RASGRF2: variants seen among roughly 807,000 people sequenced by gnomAD.
The protein encoded by RASGRF2 is Ras protein specific guanine nucleotide releasing factor 2.
Under a neutral mutation model 151.0 loss-of-function variants are expected in RASGRF2, and 76 were observed. The ratio of observed to expected loss-of-function variants is 0.50; its 90% CI spans 0.42 to 0.61. RASGRF2 has a LOEUF of 0.61. Among genes scored for constraint, RASGRF2 ranks in the 20% least tolerant of loss-of-function variants. The probability of loss-of-function intolerance (pLI) is 0.00; values close to 1 mark genes in which losing one functional copy is unlikely to be tolerated. For missense variants in RASGRF2, 1,148 were observed against 1,564.6 expected, an observed-to-expected ratio of 0.73 and a Z score of 4.49; for synonymous variants, 504 against 566.5, an observed-to-expected ratio of 0.89 and a Z score of 1.57.
chr5:81,220,672 G>A (rs1269430583), intron 26 of RASGRF2, among the ~76,000 whole-genome samples: 1 of 152,154 alleles, frequency 6.6e-6, no homozygotes, highest in Non-Finnish European at 1.5e-5. Context: ...GTTTCACCAT[G>A]TTAGCCAGGA....
chr5:81,107,196 C>CAAAAA (rs35987554), intron 12 of RASGRF2, among the ~76,000 whole-genome samples: 4,136 of 94,138 alleles, frequency 0.044, 248 homozygotes, highest in African/African-American at 0.15. Flanking sequence ...CCTGTCTCTA[C>CAAAAA]AAAAAAAAAA....
chr5:81,054,612 C>G (rs1234611213), intron 2 of RASGRF2, among the ~76,000 whole-genome samples: 2 of 100,824 alleles, frequency 2.0e-5, no homozygotes, highest in African/African-American at 7.9e-5. Flanking sequence ...AATGCAGGCT[C>G]TTTTTTGCTT....
Position 80,966,486 on chromosome 5 carries a change from A to C in RASGRF2, c.288+5460A>C, listed in dbSNP as rs59666496. ...TATAACATTTGGCCTTTATTCTAAAATCTAACCATTATTCTAAAATTATCC... is the reference window on the plus strand; with the variant it reads ...TATAACATTTGGCCTTTATTCTAAACTCTAACCATTATTCTAAAATTATCC... On this transcript the variant is annotated intron_variant, in intron 1 of 26. Transcript: ENST00000265080. Among the ~76,000 whole-genome samples, 835 of 152,302 alleles carry C rather than the reference A, an allele frequency of 5.5e-3. 10 individuals are homozygous for C. Among genetic ancestry groups the C allele is most frequent in the African/African-American group, 0.017 (720 of 41,578 alleles).
intron 1 of RASGRF2, among the ~76,000 whole-genome samples, chr5:80,986,757 A>T (rs564585932): frequency 6.6e-6 from 1 of 152,176 alleles, no homozygotes; most frequent in Non-Finnish European, 1.5e-5. Context: ...ATATTACCTC[A>T]GTTGAACCGC....
intron 1 of RASGRF2, among the ~76,000 whole-genome samples, chr5:81,012,033 G>A (rs1324504161): frequency 6.6e-6 from 1 of 152,170 alleles, no homozygotes; most frequent in African/African-American, 2.4e-5. Context: ...GATGCCTGGA[G>A]CTATGACCGT....
At chr5:81,193,399 C>T (rs1318508583) in intron 18 of RASGRF2, among the ~76,000 whole-genome samples, 1 of 152,244 alleles carries the variant, frequency 6.6e-6, no homozygotes, top group East Asian at 1.9e-4. Flanking sequence ...AGATCCCCGT[C>T]TCAAATGGTC....
At chr5:81,218,030 C>T (rs1755781404) in intron 25 of RASGRF2, among the ~76,000 whole-genome samples, 1 of 152,244 alleles carries the variant, frequency 6.6e-6, no homozygotes, top group Admixed American at 6.5e-5. Flanking sequence ...GAGTGAGCTA[C>T]CGCACCTGGC....
chr5:81,060,366 C>T (rs982931346), intron 2 of RASGRF2, among the ~76,000 whole-genome samples: 4 of 152,162 alleles, frequency 2.6e-5, no homozygotes, highest in African/African-American at 7.2e-5. Flanking sequence ...CAGCTAGCCA[C>T]GCATGTCCCT....
chr5:81,197,034 A>G (rs1035758055), intron 18 of RASGRF2, among the ~76,000 whole-genome samples: 1 of 152,226 alleles, frequency 6.6e-6, no homozygotes, highest in Non-Finnish European at 1.5e-5. Context: ...GTGTTTGGCA[A>G]TAAATAGGTG....
intron 12 of RASGRF2, among the ~76,000 whole-genome samples, chr5:81,107,302 C>T (rs527656487): frequency 3.3e-5 from 5 of 151,870 alleles, no homozygotes; most frequent in East Asian, 1.9e-4. Context: ...TTTGAGGTTA[C>T]GGTGAGCTAT....
intron 17 of RASGRF2, among the ~76,000 whole-genome samples, chr5:81,153,601 T>C (rs1305295658): frequency 6.6e-6 from 1 of 152,228 alleles, no homozygotes; most frequent in Non-Finnish European, 1.5e-5. Flanking sequence ...GGATAATAAA[T>C]ATATGTTGTT....
chr5:81,179,903 G>A (rs1027282115), intron 17 of RASGRF2, among the ~76,000 whole-genome samples: 1 of 152,194 alleles, frequency 6.6e-6, no homozygotes, highest in African/African-American at 2.4e-5. Context: ...ATAAATGGAG[G>A]TGTCAGGAGA....
intron 1 of RASGRF2, among the ~76,000 whole-genome samples, chr5:81,023,078 G>A (rs541288531): frequency 2.6e-5 from 4 of 151,374 alleles, no homozygotes; most frequent in South Asian, 2.1e-4. Flanking sequence ...TTGTGAGTGC[G>A]GAGGGTAGAG....
intron 1 of RASGRF2, among the ~76,000 whole-genome samples, chr5:81,000,541 C>G (rs1561546918): frequency 2.6e-5 from 4 of 152,224 alleles, no homozygotes; most frequent in Non-Finnish European, 5.9e-5. Flanking sequence ...CTATCTCCTG[C>G]TTTTGAACTT....
At chr5:81,076,837 G>A (rs1197787954) in intron 5 of RASGRF2, among the ~76,000 whole-genome samples, 8 of 152,244 alleles carry the variant, frequency 5.3e-5, no homozygotes, top group Admixed American at 5.2e-4. Context: ...GAGAGCTTGT[G>A]TTAGCTTATT....
At chr5:81,132,600 A>G (rs547482764) in intron 17 of RASGRF2, among the ~76,000 whole-genome samples, 1 of 152,314 alleles carries the variant, frequency 6.6e-6, no homozygotes, top group African/African-American at 2.4e-5. Context: ...TCATGATTGG[A>G]AAGTCCTTGA....
chr5:81,024,457 A>G (rs1201831049), intron 1 of RASGRF2, among the ~76,000 whole-genome samples: 1 of 151,516 alleles, frequency 6.6e-6, no homozygotes, highest in Non-Finnish European at 1.5e-5. Flanking sequence ...ATGGGGTTTC[A>G]CTATGTTGGC....
intron 7 of RASGRF2, among the ~76,000 whole-genome samples, chr5:81,081,998 A>G (rs1471674294): frequency 6.6e-6 from 1 of 152,220 alleles, no homozygotes; most frequent in African/African-American, 2.4e-5. Context: ...ATTTATAATG[A>G]AATATATAGT....
At chr5:80,968,690 A>C (rs1747802570) in intron 1 of RASGRF2, among the ~76,000 whole-genome samples, 1 of 152,164 alleles carries the variant, frequency 6.6e-6, no homozygotes. Context: ...GTTTGAATCA[A>C]TTTTAAAAAT....
Sources: allele counts gnomAD v4.1 joint callset (sites outside exome capture counted in the v4.1 genomes callset), GRCh38; gene constraint gnomAD v4.1.1; transcripts MANE v1.5; gene names NCBI Gene and HGNC (gene_info 2026-07-23, HGNC 2026-07-21).